PDHA1: variants seen among roughly 807,000 people sequenced by gnomAD.
PDHA1 encodes pyruvate dehydrogenase E1 component subunit alpha, somatic form, mitochondrial.
PDHA1 carries 1 observed loss-of-function variant against 33.0 expected under a neutral mutation model. The observed-to-expected ratio is 0.03, with a 90% CI of 0.01 to 0.14. The LOEUF is 0.14. Among genes scored for constraint, PDHA1 ranks in the 10% least tolerant of loss-of-function variants. PDHA1 has a pLI of 1.00. For missense variants in PDHA1, 168 were observed against 325.1 expected (o/e 0.52, Z 3.72); for synonymous variants, 123 against 119.2 (o/e 1.03, Z -0.21).
intron 5 of PDHA1, among the ~76,000 whole-genome samples, chrX:19,353,583 G>C (rs755199336): frequency 9.0e-6 from 1 of 111,645 alleles, no homozygotes; most frequent in South Asian, 3.8e-4. Flanking sequence ...GCAATTCTGA[G>C]AATATATCCC....
At chrX:19,357,463 T>C in intron 8 of PDHA1, 189 bp from the exon 9 acceptor site, 1 of 494,812 alleles carries the variant, frequency 2.0e-6, no homozygotes, top group Non-Finnish European at 3.6e-6. Flanking sequence ...AAAGATGAAA[T>C]ATGCAATCAA....
chrX:19,351,604 A>T (rs1436741971), intron 4 of PDHA1, 197 bp downstream of exon 4: 7 of 414,953 alleles, frequency 1.7e-5, no homozygotes, highest in South Asian at 4.1e-5. Context: ...CCCCTCAGGT[A>T]AAAGTTTAAA....
chrX:19,360,395 C>T lies in PDHA1; in HGVS notation c.*742C>T, dbSNP rs1181960425. On this transcript the variant is annotated 3_prime_UTR_variant, in exon 11 of 11. Coordinates refer to ENST00000422285, the MANE Select transcript of PDHA1 (RefSeq NM_000284.4). ...TGAGACAGGGTCGGGCTCTGTTGCC[C>T]AGGCTGGAGTGCAGTGGTGTGATCA... 2 of 167,272 alleles carry T rather than the reference C, an allele frequency of 1.2e-5. No homozygotes were observed. Among genetic ancestry groups the T allele is most frequent in the South Asian group, 1.1e-4 (1 of 8,903 alleles). The allele number at this position is 167,272 out of a possible 1,213,427, so 13.8% of individuals were successfully genotyped here. A position where few individuals can be genotyped will look rare whatever the true frequency, so the allele number is the denominator to read the frequency against.
intron 4 of PDHA1, among the ~76,000 whole-genome samples, chrX:19,352,225 C>CT (rs1237519823): frequency 0.021 from 1,848 of 86,216 alleles, 29 homozygotes; most frequent in Middle Eastern, 0.042. Flanking sequence ...CCTCCTCCTC[C>CT]TTTTTTTTTT....
rs776339048 is a variant in PDHA1, at chrX:19,357,672, G to T, written c.852G>T (p.Leu284=). ...TTTAGGGGCCCATCCTGATGGAGCTGCAGACTTACCGTTACCACGGACACA... is the reference window on the plus strand; with the variant it reads ...TTTAGGGGCCCATCCTGATGGAGCTTCAGACTTACCGTTACCACGGACACA... ...RSGKGPILME[L]QTYRYHGHSM... is the part of the protein sequence containing the mutation. The change falls in exon 9 of 11, where the codon CTG becomes CTT. Residue 284 remains leucine (L), a synonymous_variant. Transcript: ENST00000422285. The T allele has an allele frequency of 4.1e-6, 5 of 1,208,433 alleles. No homozygotes were observed. The East Asian group carries it at 1.5e-4, about 36-fold the overall frequency.
chrX:19,357,540 T>A (rs1283174651), intron 8 of PDHA1, 112 bp from the exon 9 acceptor site: 2 of 606,457 alleles, frequency 3.3e-6, no homozygotes, highest in Non-Finnish European at 5.8e-6. Context: ...GAAGATCTGA[T>A]AAGACTACAC....
intron 2 of PDHA1, among the ~76,000 whole-genome samples, chrX:19,349,580 AGAAAAT>A (rs2063152851): frequency 1.8e-5 from 2 of 112,152 alleles, no homozygotes; most frequent in South Asian, 7.4e-4. Context: ...GGGAGGAGCT[AGAAAAT>A]GAAAATAAAA....
chrX:19,348,535 C>T (rs1417073934), intron 1 of PDHA1, among the ~76,000 whole-genome samples: 2 of 112,799 alleles, frequency 1.8e-5, no homozygotes, highest in Admixed American at 9.4e-5. Flanking sequence ...TTTTTTCTTA[C>T]AGATCCAATT....
intron 8 of PDHA1, among the ~76,000 whole-genome samples, chrX:19,355,975 G>T (rs943053528): frequency 2.7e-5 from 3 of 111,883 alleles, no homozygotes; most frequent in African/African-American, 6.5e-5. Flanking sequence ...GTCCGTTCTG[G>T]TGCTTCCTCT....
intron 1 of PDHA1, 77 bp from the exon 2 acceptor site, chrX:19,349,235 A>G: frequency 1.5e-6 from 1 of 675,253 alleles, no homozygotes. Context: ...CTTCATTCTG[A>G]TAACTGATTA....
chrX:19,357,629 A>C (rs771014953), intron 8 of PDHA1, 23 bp from the exon 9 acceptor site: 12 of 1,188,637 alleles, frequency 1.0e-5, no homozygotes, highest in East Asian at 3.0e-5. Context: ...TAACTAACTA[A>C]CTGCCTACCG....
At position 19,351,394 on chromosome X, in the gene PDHA1, C is replaced by G; in HGVS notation, c.405C>G (p.Leu135=). Residue 135 remains leucine (L), a synonymous_variant, in exon 4 of 11, where the codon CTC becomes CTG. Transcript: ENST00000422285. The stretch of plus-strand genomic sequence containing the variant: ...GGGGCCTTTCCGTCCGAGAAATTCT[C>G]GCAGAGCTTACAGGTTTGCTGTTGA... ...FTRGLSVREI[L]AELTGRKGGC... 1 of 1,209,022 alleles carries G rather than the reference C, an allele frequency of 8.3e-7. No homozygotes were observed. Among genetic ancestry groups the G allele is most frequent in the South Asian group, 1.8e-5 (1 of 56,717 alleles).
At chrX:19,354,351 A>G in intron 5 of PDHA1, 140 bp from the exon 6 acceptor site, 1 of 520,297 alleles carries the variant, frequency 1.9e-6, no homozygotes, top group East Asian at 3.5e-5. Context: ...ATAAACAGAG[A>G]GATAGGGTTG....
rs942040058 is a variant in PDHA1 at position 19,343,959 on chromosome X, C to T, written c.-79C>T. 2.2e-4 allele frequency: 205 copies of T among 935,380 alleles called. No homozygotes were observed. The highest frequency in any genetic ancestry group is 1.1e-3 in the Middle Eastern group (3 of 2,736). 77.1% of individuals were successfully genotyped at this position (935,380 alleles called of 1,213,427 possible). On this transcript the variant is annotated 5_prime_UTR_variant, in exon 1 of 11. Coordinates refer to ENST00000422285, the MANE Select transcript of PDHA1 (RefSeq NM_000284.4). ...CTGAGGCGTGGCGTCTGCTGGGGCA[C>T]CTGAAGGAGACTTGGGGGCACCCGC...
chrX:19,346,481 G>T, intron 1 of PDHA1: 1 of 427,862 alleles, frequency 2.3e-6, no homozygotes, highest in Non-Finnish European at 4.1e-6. Flanking sequence ...ACCACACCCA[G>T]CCAATTAAAA....
At chrX:19,357,319 C>T (rs1488988195) in intron 8 of PDHA1, 1 of 277,450 alleles carries the variant, frequency 3.6e-6, no homozygotes, top group East Asian at 8.1e-5. Context: ...TAGTCTCGAA[C>T]TCCTGGGCGC....
intron 8 of PDHA1, among the ~76,000 whole-genome samples, chrX:19,356,242 G>A (rs1012923586): frequency 6.3e-5 from 7 of 111,896 alleles, no homozygotes; most frequent in Admixed American, 9.5e-5. Flanking sequence ...GGCAGTGAGG[G>A]AGATGGTAAG....
chrX:19,346,494 A>AC, intron 1 of PDHA1: 1 of 417,865 alleles, frequency 2.4e-6, no homozygotes, highest in East Asian at 4.3e-5. Context: ...AATTAAAAAA[A>AC]TTTTTTTTTT....
chrX:19,348,694 A>G (rs946692231), intron 1 of PDHA1, among the ~76,000 whole-genome samples: 1 of 112,415 alleles, frequency 8.9e-6, no homozygotes, highest in African/African-American at 3.2e-5. Context: ...CTGCAATCCC[A>G]GTACTTTGGG....
Sources: allele counts gnomAD v4.1 joint callset (sites outside exome capture counted in the v4.1 genomes callset), GRCh38; gene constraint gnomAD v4.1.1; transcripts MANE v1.5; gene names NCBI Gene and HGNC (gene_info 2026-07-23, HGNC 2026-07-21).